FRMD6: variants seen among roughly 807,000 people sequenced by gnomAD.
FRMD6 encodes FERM domain containing 6.
In FRMD6, 37 loss-of-function variants were observed where a neutral mutation model predicts 73.2. That is an observed-to-expected ratio of 0.51 (90% confidence interval 0.39 to 0.66). FRMD6 has a LOEUF of 0.66. FRMD6 is among the 30% of genes least tolerant of loss of function. The pLI is 0.00. For missense variants in FRMD6, 714 were observed against 780.5 expected (o/e 0.91, Z 1.02); for synonymous variants, 273 against 282.2 (o/e 0.97, Z 0.33).
chr14:51,510,032 G>A (rs143276174), intron 1 of FRMD6, among the ~76,000 whole-genome samples: 106 of 152,378 alleles, frequency 7.0e-4, no homozygotes, highest in African/African-American at 2.0e-3. Context: ...GCACCCTAGG[G>A]CAGCCATTTT....
chr14:51,577,916 C>T (rs1337204931), intron 2 of FRMD6, among the ~76,000 whole-genome samples: 7 of 152,120 alleles, frequency 4.6e-5, no homozygotes, highest in Non-Finnish European at 8.8e-5. Flanking sequence ...CTTGATCTTT[C>T]GTTGCCTCAA....
chr14:51,720,378 T>G lies in FRMD6; in HGVS notation c.1348T>G (p.Leu450Val). The part of the protein sequence containing the change: ...SGGKDRLEED[L>V]QDDEIEMLVD... ...CGGCAAAGACCGGCTGGAAGAGGAC[T>G]TACAGGACGATGGTAACAGTACTGT... The change falls in exon 11 of 14, where the codon TTA becomes GTA. Residue 450 changes from leucine (L) to valine (V), a missense_variant. Coordinates refer to ENST00000344768, the MANE Select transcript of FRMD6 (RefSeq NM_001267046.2). 6.2e-7 allele frequency: 1 copy of G among 1,613,408 alleles called. No individual in the cohort carries two copies. Among genetic ancestry groups the G allele is most frequent in the South Asian group, 1.1e-5 (1 of 91,078 alleles).
At chr14:51,520,357 A>G (rs8021622) in intron 1 of FRMD6, among the ~76,000 whole-genome samples, 88,253 of 152,124 alleles carry the variant, frequency 0.58, 26,707 homozygotes, top group African/African-American at 0.74. Flanking sequence ...GTAAAATGGT[A>G]CTACCAATCT....
intron 1 of FRMD6, among the ~76,000 whole-genome samples, chr14:51,568,053 G>A (rs1019260175): frequency 5.3e-5 from 8 of 152,208 alleles, no homozygotes; most frequent in African/African-American, 1.9e-4. Flanking sequence ...TTGCCTTGAC[G>A]AGCTGAGAAG....
chr14:51,624,610 C>G (rs1427981454), intron 2 of FRMD6, among the ~76,000 whole-genome samples: 5 of 152,190 alleles, frequency 3.3e-5, no homozygotes, highest in African/African-American at 1.2e-4. Flanking sequence ...ATTTCTATAT[C>G]TAGCCCATTG....
the FRMD6 span, among the ~76,000 whole-genome samples, chr14:51,465,461 G>A: frequency 3.9e-5 from 6 of 152,056 alleles, no homozygotes; most frequent in Non-Finnish European, 8.8e-5. Context: ...CCATCTCTAG[G>A]TAACCATAGT....
chr14:51,709,521 T>C (rs1896823345), intron 7 of FRMD6, among the ~76,000 whole-genome samples: 1 of 152,196 alleles, frequency 6.6e-6, no homozygotes, highest in African/African-American at 2.4e-5. Context: ...GTAATCTTGT[T>C]AGCTGGTTCA....
chr14:51,511,872 T>TAAG (rs1884331689), intron 1 of FRMD6, among the ~76,000 whole-genome samples: 1 of 150,192 alleles, frequency 6.7e-6, no homozygotes, highest in Non-Finnish European at 1.5e-5. Context: ...ACTTAAAGTA[T>TAAG]AATAATAATA....
chr14:51,628,259 A>G (rs912770761), intron 2 of FRMD6, among the ~76,000 whole-genome samples: 1 of 152,214 alleles, frequency 6.6e-6, no homozygotes, highest in Non-Finnish European at 1.5e-5. Context: ...TAATATGAAG[A>G]TCACTTTATG....
Position 51,549,751 on chromosome 14 carries a change from T to A in FRMD6, c.-209-20597T>A, listed in dbSNP as rs1392241608. On this transcript the variant is annotated intron_variant, in intron 1 of 14. Coordinates refer to the FRMD6 transcript ENST00000356218. ...GCTGGGACTACAGGCGCCCGCCGCC[T>A]CGCCCGGCTAGTTTTTTGTATTTTT... Among the ~76,000 whole-genome samples the A allele has an allele frequency of 5.3e-5, 8 of 152,002 alleles. No homozygotes were observed. In the South Asian group the frequency reaches 1.5e-3, roughly 28 times the overall value.
At chr14:51,486,057 T>C (rs1882754931), upstream of FRMD6, among the ~76,000 whole-genome samples, 11 of 150,690 alleles carry the variant, frequency 7.3e-5, no homozygotes, top group South Asian at 2.3e-3. Context: ...TGTTTTGAGA[T>C]GGAGTCTCGC....
intron 1 of FRMD6, among the ~76,000 whole-genome samples, chr14:51,557,899 C>A (rs1308796480): frequency 6.6e-6 from 1 of 151,860 alleles, no homozygotes; most frequent in Non-Finnish European, 1.5e-5. Context: ...GTACACCAAA[C>A]CCCTGTGACA....
intron 1 of FRMD6, among the ~76,000 whole-genome samples, chr14:51,663,762 A>T (rs1016575583): frequency 2.0e-5 from 3 of 152,220 alleles, no homozygotes; most frequent in Non-Finnish European, 2.9e-5. Flanking sequence ...GTTAAATTTT[A>T]AAAAAAGGAA....
At chr14:51,540,749 A>G (rs1312587126) in intron 1 of FRMD6, among the ~76,000 whole-genome samples, 1 of 152,120 alleles carries the variant, frequency 6.6e-6, no homozygotes, top group Admixed American at 6.6e-5. Flanking sequence ...AATAAATTCC[A>G]TGAGCAAATA....
chr14:51,415,992 G>T, the FRMD6 span, among the ~76,000 whole-genome samples: 1 of 152,104 alleles, frequency 6.6e-6, no homozygotes, highest in East Asian at 1.9e-4. Context: ...TGGGATTGAT[G>T]GTGATATCCC....
intron 1 of FRMD6, among the ~76,000 whole-genome samples, chr14:51,531,343 C>T (rs556990449): frequency 1.3e-5 from 2 of 152,044 alleles, no homozygotes; most frequent in African/African-American, 2.4e-5. Context: ...AACATAATCA[C>T]GAGAAAATGT....
At chr14:51,493,064 T>C (rs1883107257) in intron 1 of FRMD6, among the ~76,000 whole-genome samples, 1 of 152,218 alleles carries the variant, frequency 6.6e-6, no homozygotes, top group African/African-American at 2.4e-5. Context: ...AAGATGCTGC[T>C]GGGTTTATTT....
At chr14:51,572,154 T>C (rs1275668728) in intron 2 of FRMD6, among the ~76,000 whole-genome samples, 1 of 152,248 alleles carries the variant, frequency 6.6e-6, no homozygotes, top group Non-Finnish European at 1.5e-5. Flanking sequence ...CTATCCATAG[T>C]GCTAGGAGAG....
the FRMD6 span, among the ~76,000 whole-genome samples, chr14:51,418,586 G>A: frequency 6.6e-6 from 1 of 152,356 alleles, no homozygotes; most frequent in African/African-American, 2.4e-5. Flanking sequence ...TGAGGTGTCA[G>A]TCGGCCCCTA....
Sources: allele counts gnomAD v4.1 joint callset (sites outside exome capture counted in the v4.1 genomes callset), GRCh38; gene constraint gnomAD v4.1.1; transcripts MANE v1.5; gene names NCBI Gene and HGNC (gene_info 2026-07-23, HGNC 2026-07-21).